The following ACTR3C variants were observed in gnomAD, a reference collection of about 807,000 sequenced individuals.
ACTR3C encodes actin related protein 3C.
In ACTR3C, 18 loss-of-function variants were observed where a neutral mutation model predicts 26.3. The ratio of observed to expected loss-of-function variants is 0.68; its 90% CI spans 0.47 to 1.01. The LOEUF (loss-of-function observed/expected upper bound fraction) is 1.01. Ranked by LOEUF, ACTR3C falls within the 50% of genes least tolerant of loss-of-function variation. The probability of loss-of-function intolerance (pLI) is 0.00; values close to 1 mark genes in which losing one functional copy is unlikely to be tolerated. For missense variants in ACTR3C, 184 were observed against 250.7 expected, an observed-to-expected ratio of 0.73 and a Z score of 1.80; for synonymous variants, 55 against 94.5, an observed-to-expected ratio of 0.58 and a Z score of 2.42.
At chr7:150,067,714 G>A in the ACTR3C span, among the ~76,000 whole-genome samples, 3 of 103,550 alleles carry the variant, frequency 2.9e-5, no homozygotes, top group Admixed American at 1.7e-4. Flanking sequence ...AGCCACAGGT[G>A]TATAAAGCCA....
chr7:150,126,965 T>C, the ACTR3C span, among the ~76,000 whole-genome samples: 4 of 152,298 alleles, frequency 2.6e-5, no homozygotes, highest in Admixed American at 6.5e-5. Context: ...GCTTCTACAC[T>C]AAAAATGAAC....
chr7:149,926,204 G>C, the ACTR3C span, among the ~76,000 whole-genome samples: 1 of 152,152 alleles, frequency 6.6e-6, no homozygotes, highest in Non-Finnish European at 1.5e-5. Context: ...ACTTTGCATG[G>C]TAAAAGACAA....
chr7:150,267,745 G>A (rs1456718847), intron 6 of ACTR3C, among the ~76,000 whole-genome samples: 2 of 152,150 alleles, frequency 1.3e-5, no homozygotes, highest in East Asian at 1.9e-4. Context: ...GGGGGTCTTG[G>A]GACGCATGCC....
chr7:150,291,462 C>T (rs934077997), intron 3 of ACTR3C, among the ~76,000 whole-genome samples: 3 of 152,048 alleles, frequency 2.0e-5, no homozygotes, highest in South Asian at 2.1e-4. Flanking sequence ...AAAGACTATA[C>T]GGCTAAAAGT....
chr7:150,040,938 A>T, the ACTR3C span, among the ~76,000 whole-genome samples: 3 of 150,266 alleles, frequency 2.0e-5, no homozygotes, highest in East Asian at 1.9e-4. Context: ...TTGTACTAGC[A>T]GGGCAGTTGC....
chr7:149,900,071 T>C, the ACTR3C span, among the ~76,000 whole-genome samples: 3 of 146,582 alleles, frequency 2.0e-5, no homozygotes, highest in African/African-American at 5.0e-5. Flanking sequence ...AGACTTTCCG[T>C]TGAAATAAAA....
chr7:149,945,625 C>A, the ACTR3C span, among the ~76,000 whole-genome samples: 6 of 151,956 alleles, frequency 3.9e-5, no homozygotes, highest in African/African-American at 1.4e-4. Flanking sequence ...GAGGAGGTGA[C>A]CTGGATGGAT....
At chr7:150,116,553 CTTATA>C in the ACTR3C span, among the ~76,000 whole-genome samples, 4 of 152,220 alleles carry the variant, frequency 2.6e-5, no homozygotes, top group African/African-American at 9.6e-5. Flanking sequence ...TTCTGAAATT[CTTATA>C]TTAATATACA....
chr7:149,964,211 A>G, the ACTR3C span, among the ~76,000 whole-genome samples: 1 of 152,230 alleles, frequency 6.6e-6, no homozygotes, highest in Non-Finnish European at 1.5e-5. Context: ...TGAGGGATAA[A>G]GCCAGATAGT....
At chr7:150,160,657 A>G in the ACTR3C span, among the ~76,000 whole-genome samples, 3 of 152,002 alleles carry the variant, frequency 2.0e-5, no homozygotes, top group Non-Finnish European at 4.4e-5. Context: ...TATGGAAGGC[A>G]TTATATAAGG....
the ACTR3C span, among the ~76,000 whole-genome samples, chr7:150,178,911 G>T: frequency 6.7e-6 from 1 of 150,338 alleles, no homozygotes; most frequent in Non-Finnish European, 1.5e-5. Flanking sequence ...TGTTCAGAAA[G>T]TCTACAGACT....
chr7:150,224,707 T>C, the ACTR3C span, among the ~76,000 whole-genome samples: 1 of 152,144 alleles, frequency 6.6e-6, no homozygotes, highest in Non-Finnish European at 1.5e-5. Context: ...CATACTGAAC[T>C]CTTTGTAAGG....
chr7:150,317,954 G>C (rs1172465145), intron 1 of ACTR3C, among the ~76,000 whole-genome samples: 1 of 152,156 alleles, frequency 6.6e-6, no homozygotes, highest in Non-Finnish European at 1.5e-5. Context: ...TGTCTCACAA[G>C]AGGGTGTTAA....
the ACTR3C span, among the ~76,000 whole-genome samples, chr7:150,223,040 C>A: frequency 1.7e-3 from 260 of 152,302 alleles, no homozygotes; most frequent in African/African-American, 6.1e-3. Flanking sequence ...ATAATCCATA[C>A]CCCTGTTAAG....
chr7:150,025,132 G>T, the ACTR3C span, among the ~76,000 whole-genome samples: 2 of 145,996 alleles, frequency 1.4e-5, no homozygotes, highest in Non-Finnish European at 3.0e-5. Flanking sequence ...ACTGCAAGTG[G>T]ATATAAGCTC....
chr7:150,031,363 G>A, the ACTR3C span, among the ~76,000 whole-genome samples: 1 of 152,164 alleles, frequency 6.6e-6, no homozygotes, highest in African/African-American at 2.4e-5. Context: ...AGAATGTGAG[G>A]GTCTCCAACA....
chr7:150,200,707 T>C, the ACTR3C span, among the ~76,000 whole-genome samples: 18 of 152,104 alleles, frequency 1.2e-4, no homozygotes, highest in Non-Finnish European at 2.1e-4. Flanking sequence ...TGCCTACATA[T>C]GAACGAACAG....
chr7:150,101,423 A>G, the ACTR3C span, among the ~76,000 whole-genome samples: 1 of 151,732 alleles, frequency 6.6e-6, no homozygotes, highest in Non-Finnish European at 1.5e-5. Flanking sequence ...GTGCAAACTC[A>G]GAAAGTTGTA....
the ACTR3C span, among the ~76,000 whole-genome samples, chr7:149,985,837 C>G: frequency 1.3e-5 from 2 of 152,312 alleles, no homozygotes; most frequent in African/African-American, 4.8e-5. Flanking sequence ...TCAGAATGAA[C>G]AGAACCTCCC....
Sources: allele counts gnomAD v4.1 joint callset (sites outside exome capture counted in the v4.1 genomes callset), GRCh38; gene constraint gnomAD v4.1.1; transcripts MANE v1.5; gene names NCBI Gene and HGNC (gene_info 2026-07-23, HGNC 2026-07-21).